Variants in AKR1C4 observed in about 807,000 individuals in gnomAD.
AKR1C4 encodes the protein 3-alpha-HSD1.
AKR1C4 carries 44 observed loss-of-function variants against 41.0 expected under a neutral mutation model. That is an observed-to-expected ratio of 1.07 (90% CI 0.84 to 1.38). The LOEUF (loss-of-function observed/expected upper bound fraction) is 1.38. AKR1C4 is among the 40% of genes most tolerant of loss of function. The probability of loss-of-function intolerance (pLI) is 0.00; values close to 1 mark genes in which losing one functional copy is unlikely to be tolerated. For synonymous variants in AKR1C4, 165 were observed against 137.7 expected, an observed-to-expected ratio of 1.20 and a Z score of -1.39; for missense variants, 438 against 387.9, an observed-to-expected ratio of 1.13 and a Z score of -1.09.
chr10:5,212,852 G>A (rs1290095734), intron 6 of AKR1C4, 127 bp downstream of exon 6: 6 of 1,385,522 alleles, frequency 4.3e-6, no homozygotes, highest in Non-Finnish European at 5.9e-6. Flanking sequence ...CATTTCTTAT[G>A]AGATACCAGG....
At chr10:5,206,228 C>T (rs1185496340) in intron 4 of AKR1C4, 47 bp from the exon 5 acceptor site, 1 of 1,612,830 alleles carries the variant, frequency 6.2e-7, no homozygotes, top group South Asian at 1.1e-5. Context: ...TTATCATAAT[C>T]TGCAGCCAAC....
chr10:5,217,684 C>T (rs1233091243), intron 8 of AKR1C4, among the ~76,000 whole-genome samples: 11 of 152,138 alleles, frequency 7.2e-5, no homozygotes, highest in African/African-American at 2.4e-4. Flanking sequence ...CCCTTGAACC[C>T]GGGAAGCAGA....
intron 5 of AKR1C4, 58 bp downstream of exon 5, chr10:5,206,455 T>C: frequency 6.2e-7 from 1 of 1,608,632 alleles, no homozygotes; most frequent in Non-Finnish European, 8.5e-7. Context: ...CCTGTCCTAC[T>C]GCCTGGCTTC....
chr10:5,212,625 C>CA lies in AKR1C4; in HGVS notation c.581dup (p.His194GlnfsTer32), dbSNP rs1832593893. On this transcript the variant is annotated frameshift_variant, in exon 6 of 9. Transcript: ENST00000263126. LOFTEE classifies it high-confidence loss of function. ...TCTTGATCATCTAAAGGTAGAATGT[C>CA]ATCCTTACCTCAACCAGAGCAAACT... The CA allele has an allele frequency of 1.9e-6, 3 of 1,612,294 alleles. No homozygotes were observed. The highest frequency in any genetic ancestry group is 2.7e-5 in the African/African-American group (2 of 74,830).
chr10:5,212,597 C>T lies in AKR1C4; in HGVS notation c.571-19C>T. 1 of 1,586,334 alleles carries T rather than the reference C, an allele frequency of 6.3e-7. No individual in the cohort carries two copies. Among genetic ancestry groups the T allele is most frequent in the Non-Finnish European group, 8.6e-7 (1 of 1,164,342 alleles). The stretch of plus-strand genomic sequence containing the variant: ...CTGTTTTGAATTATCTGATGCTTTT[C>T]TCTCTTGATCATCTAAAGGTAGAAT... On this transcript the variant is annotated intron_variant, in intron 5 of 8. Coordinates refer to ENST00000263126, the MANE Select transcript of AKR1C4 (RefSeq NM_001818.5).
chr10:5,205,477 A>T lies in AKR1C4; in HGVS notation c.370-280A>T, dbSNP rs559334906. Among the ~76,000 whole-genome samples, 3 of 152,282 alleles carry T rather than the reference A, an allele frequency of 2.0e-5. No homozygotes were observed. In the South Asian group the frequency reaches 6.2e-4, roughly 32 times the overall value. On this transcript the variant is annotated intron_variant, in intron 3 of 8. Transcript: ENST00000263126. ...CAAAGAGAGGCATTTCCCCCAAAAA[A>T]ATTATAGGATCAGACAAAAGTAACA...
chr10:5,218,296 T>G (rs1470423416), intron 8 of AKR1C4, among the ~76,000 whole-genome samples: 1 of 152,232 alleles, frequency 6.6e-6, no homozygotes, highest in African/African-American at 2.4e-5. Context: ...AAAGGATATG[T>G]GATTGCTACC....
At chr10:5,201,850 C>T (rs897470125) in intron 2 of AKR1C4, among the ~76,000 whole-genome samples, 1 of 152,080 alleles carries the variant, frequency 6.6e-6, no homozygotes, top group South Asian at 2.1e-4. Context: ...GTCCCAGCAC[C>T]ATTTATTGAA....
chr10:5,204,808 T>C (rs1554797311), intron 3 of AKR1C4, among the ~76,000 whole-genome samples: 6 of 152,224 alleles, frequency 3.9e-5, no homozygotes, highest in Non-Finnish European at 8.8e-5. Flanking sequence ...CAGAGATCCA[T>C]GCAGCTGTGG....
chr10:5,212,197 A>C (rs1252569054), intron 5 of AKR1C4, among the ~76,000 whole-genome samples: 1 of 152,204 alleles, frequency 6.6e-6, no homozygotes, highest in Non-Finnish European at 1.5e-5. Context: ...CATTTTATTC[A>C]TTGTTGGTTT....
chr10:5,208,808 A>C lies in AKR1C4; in HGVS notation c.570+2411A>C, dbSNP rs1832527249. Among the ~76,000 whole-genome samples the C allele has an allele frequency of 2.0e-5, 3 of 151,506 alleles. 1 individual carries two copies. The South Asian group carries it at 6.2e-4, about 31-fold the overall frequency. On this transcript the variant is annotated intron_variant, in intron 5 of 8. Coordinates refer to ENST00000263126, the MANE Select transcript of AKR1C4 (RefSeq NM_001818.5). ...AATTTAAAGATACCATAAGATATTA[A>C]GTACCTGAAATTATACCTAATAAAA...
chr10:5,201,004 A>C (rs1400086333), intron 2 of AKR1C4, among the ~76,000 whole-genome samples: 1 of 151,996 alleles, frequency 6.6e-6, no homozygotes, highest in Non-Finnish European at 1.5e-5. Flanking sequence ...TTATTCATGC[A>C]TTGGTTGATG....
rs554928750 is a variant in AKR1C4 at position 5,204,421 on chromosome 10, G to A, written c.297G>A (p.Leu99=). ...AACCACAGATGGTCCAACCAGCCTT[G>A]GAAAGCTCACTGAAAAAACTTCAAC... ...FFQPQMVQPA[L]ESSLKKLQLD... The change falls in exon 3 of 9, where the codon TTG becomes TTA. Residue 99 remains leucine (L), a synonymous_variant. Coordinates refer to ENST00000263126, the MANE Select transcript of AKR1C4 (RefSeq NM_001818.5). 183 of 1,613,958 alleles carry A rather than the reference G, an allele frequency of 1.1e-4. 1 individual carries two copies. The South Asian group carries it at 1.9e-3, about 17-fold the overall frequency.
intron 5 of AKR1C4, 29 bp from the exon 6 acceptor site, chr10:5,212,587 T>A (rs781960282): frequency 6.4e-7 from 1 of 1,573,898 alleles, no homozygotes; most frequent in Non-Finnish European, 8.7e-7. Flanking sequence ...TTGAATTATC[T>A]GATGCTTTTC....
At chr10:5,215,245 CCTT>C (rs1588343919) in intron 7 of AKR1C4, among the ~76,000 whole-genome samples, 1 of 152,086 alleles carries the variant, frequency 6.6e-6, no homozygotes, top group Admixed American at 6.5e-5. Context: ...ATATTTGTCT[CCTT>C]CTAATCTCAT....
At position 5,196,962 on chromosome 10, in the gene AKR1C4, C is replaced by G. The variant is rs782591732; in HGVS notation, c.84+11C>G. The G allele has an allele frequency of 2.5e-6, 4 of 1,611,616 alleles. No individual in the cohort carries two copies. The highest frequency in any genetic ancestry group is 3.4e-6 in the Non-Finnish European group (4 of 1,177,726). ...TATGCACCTCCAGAGGTAATAATCACATTTTCAGCATTGAGCATTTAAAAG... is the reference window on the plus strand; with the variant it reads ...TATGCACCTCCAGAGGTAATAATCAGATTTTCAGCATTGAGCATTTAAAAG... On this transcript the variant is annotated intron_variant, in intron 1 of 8. Transcript: ENST00000263126.
In AKR1C4 at chr10:5,213,118, G is replaced by A; in HGVS notation, c.805G>A (p.Ala269Thr). 2 of 1,614,116 alleles carry A rather than the reference G, an allele frequency of 1.2e-6. No homozygotes were observed. Among genetic ancestry groups the A allele is most frequent in the Non-Finnish European group, 1.7e-6 (2 of 1,180,030 alleles). ...YQLQRGVVVL[A>T]KSYNEQRIRE... Reference sequence around the variant, plus strand: ...GCTGCAGCGTGGGGTTGTGGTCCTGGCCAAGAGCTACAATGAGCAGCGGAT... The same window carrying A: ...GCTGCAGCGTGGGGTTGTGGTCCTGACCAAGAGCTACAATGAGCAGCGGAT... Residue 269 changes from alanine (A) to threonine (T), a missense_variant, in exon 7 of 9, where the codon GCC becomes ACC. Physicochemically the swap from Ala to Thr is moderately conservative, Grantham distance 58 (BLOSUM62 0). Coordinates refer to ENST00000263126, the MANE Select transcript of AKR1C4 (RefSeq NM_001818.5).
In AKR1C4 at chr10:5,200,186, G is replaced by A. The variant is rs372641518; in HGVS notation, c.90G>A (p.Pro30=). The A allele has an allele frequency of 1.5e-5, 24 of 1,609,700 alleles. No individual in the cohort carries two copies. Among genetic ancestry groups the A allele is most frequent in the African/African-American group, 2.7e-5 (2 of 74,680 alleles). Residue 30 remains proline, a synonymous_variant, in exon 2 of 9, where the codon CCG becomes CCA. Transcript: ENST00000263126. Reference sequence around the variant, plus strand: ...ACCTTTCGTTGCTCCTTCAGGTTCCGAGGAACAGAGCTGTAGAGGTCACCA... The same window carrying A: ...ACCTTTCGTTGCTCCTTCAGGTTCCAAGGAACAGAGCTGTAGAGGTCACCA... ...GFGTYAPPEV[P]RNRAVEVTKL...
At chr10:5,199,822 G>A (rs908641619) in intron 1 of AKR1C4, among the ~76,000 whole-genome samples, 1 of 152,144 alleles carries the variant, frequency 6.6e-6, no homozygotes, top group Non-Finnish European at 1.5e-5. Flanking sequence ...GTAAACCAAA[G>A]CAAGAACTCA....
Sources: gnomAD v4.1 joint callset for allele counts (sites outside exome capture counted in the v4.1 genomes callset) on GRCh38, gnomAD v4.1.1 for gene constraint, MANE v1.5 for transcripts, NCBI Gene and HGNC (gene_info 2026-07-23, HGNC 2026-07-21) for gene names.